The following RGS10 variants were observed in gnomAD, a reference collection of about 807,000 sequenced individuals.
RGS10 encodes regulator of G protein signaling 10, also known as regulator of G-protein signalling 10.
RGS10 carries 11 observed loss-of-function variants against 23.5 expected under a neutral mutation model. The observed-to-expected ratio is 0.47, with a 90% confidence interval of 0.29 to 0.77. The LOEUF is 0.77. RGS10 is among the 30% of genes least tolerant of loss of function. The probability of loss-of-function intolerance (pLI) is 0.08; values close to 1 mark genes in which losing one functional copy is unlikely to be tolerated. For missense variants in RGS10, 180 were observed against 226.3 expected (o/e 0.80, Z 1.31); for synonymous variants, 77 against 83.2 (o/e 0.92, Z 0.41).
intron 4 of RGS10, among the ~76,000 whole-genome samples, chr10:119,502,601 G>A (rs1448186100): frequency 6.6e-6 from 1 of 152,210 alleles, no homozygotes; most frequent in Non-Finnish European, 1.5e-5. Flanking sequence ...CAGAGGAGGA[G>A]GGGGAGGGAA....
Sources: allele counts gnomAD v4.1 joint callset (sites outside exome capture counted in the v4.1 genomes callset), GRCh38; gene constraint gnomAD v4.1.1; transcripts MANE v1.5; gene names NCBI Gene and HGNC (gene_info 2026-07-23, HGNC 2026-07-21).